PTPRD: variants seen among roughly 807,000 people sequenced by gnomAD.
PTPRD encodes receptor-type tyrosine-protein phosphatase delta.
In PTPRD, 34 loss-of-function variants were observed where a neutral mutation model predicts 214.5. The observed-to-expected ratio is 0.16, with a 90% CI of 0.12 to 0.21. PTPRD has a LOEUF of 0.21. Among genes scored for constraint, PTPRD ranks in the 10% least tolerant of loss-of-function variants. The probability of loss-of-function intolerance (pLI) is 1.00; values close to 1 mark genes in which losing one functional copy is unlikely to be tolerated. For missense variants in PTPRD, 2,545 were observed against 2,398.7 expected (o/e 1.06, Z -1.27); for synonymous variants, 1,128 against 845.7 (o/e 1.33, Z -5.79).
chr9:9,504,246 T>C (rs897830274), intron 8 of PTPRD, among the ~76,000 whole-genome samples: 2 of 151,778 alleles, frequency 1.3e-5, no homozygotes, highest in Admixed American at 1.3e-4. Context: ...TTCTAAGTTT[T>C]TGCTCTATAT....
intron 32 of PTPRD, among the ~76,000 whole-genome samples, chr9:8,462,170 C>A (rs529341462): frequency 2.7e-4 from 41 of 152,056 alleles, no homozygotes; most frequent in African/African-American, 9.9e-4. Context: ...CTTAATTTTT[C>A]CCAGATCCTT....
chr9:8,774,764 C>A (rs144278273), intron 11 of PTPRD, among the ~76,000 whole-genome samples: 1 of 151,972 alleles, frequency 6.6e-6, no homozygotes, highest in Non-Finnish European at 1.5e-5. Flanking sequence ...AAACTCCCAA[C>A]CTCAGGTGAT....
At chr9:9,061,056 G>A (rs559959518) in intron 10 of PTPRD, among the ~76,000 whole-genome samples, 26 of 152,204 alleles carry the variant, frequency 1.7e-4, no homozygotes, top group African/African-American at 4.6e-4. Context: ...CATAACTGAA[G>A]TTTGGTGTTA....
intron 9 of PTPRD, among the ~76,000 whole-genome samples, chr9:9,318,503 G>T (rs1964626465): frequency 6.6e-6 from 1 of 152,180 alleles, no homozygotes; most frequent in South Asian, 2.1e-4. Context: ...TTTGTGCAAA[G>T]AAACCAAAGT....
chr9:10,224,300 ATG>A (rs2099581481), intron 3 of PTPRD, among the ~76,000 whole-genome samples: 1 of 152,018 alleles, frequency 6.6e-6, no homozygotes, highest in African/African-American at 2.4e-5. Flanking sequence ...AGTTTATAAA[ATG>A]TGCACAAATT....
At chr9:10,172,664 C>T (rs1301172290) in intron 3 of PTPRD, among the ~76,000 whole-genome samples, 2 of 152,242 alleles carry the variant, frequency 1.3e-5, no homozygotes, top group African/African-American at 2.4e-5. Context: ...AGAACAGGAG[C>T]ACAAAGTGGC....
chr9:9,239,608 C>T (rs2099969290), intron 9 of PTPRD, among the ~76,000 whole-genome samples: 1 of 152,160 alleles, frequency 6.6e-6, no homozygotes, highest in Non-Finnish European at 1.5e-5. Context: ...TGAAATCTTA[C>T]ACACATCTTG....
At chr9:10,204,010 C>G (rs997277552) in intron 3 of PTPRD, among the ~76,000 whole-genome samples, 4 of 152,116 alleles carry the variant, frequency 2.6e-5, no homozygotes, top group African/African-American at 7.2e-5. Context: ...TTCCCTCCCC[C>G]ACTCCCCAAT....
At chr9:10,095,868 T>TA (rs920847724) in intron 3 of PTPRD, among the ~76,000 whole-genome samples, 1 of 151,582 alleles carries the variant, frequency 6.6e-6, no homozygotes, top group African/African-American at 2.4e-5. Context: ...TTGAATATAT[T>TA]AAAGCACAAG....
intron 11 of PTPRD, among the ~76,000 whole-genome samples, chr9:8,781,521 T>A (rs2095697187): frequency 6.6e-6 from 1 of 152,154 alleles, no homozygotes; most frequent in South Asian, 2.1e-4. Context: ...GTACAACTCA[T>A]TAGTATAGGA....
intron 9 of PTPRD, among the ~76,000 whole-genome samples, chr9:9,313,864 T>C (rs946784871): frequency 6.6e-6 from 1 of 152,154 alleles, no homozygotes; most frequent in Non-Finnish European, 1.5e-5. Flanking sequence ...TATTCCAATT[T>C]AGTTTCACGT....
chr9:8,579,251 C>A (rs906693922), intron 14 of PTPRD, among the ~76,000 whole-genome samples: 1 of 152,180 alleles, frequency 6.6e-6, no homozygotes, highest in Non-Finnish European at 1.5e-5. Context: ...ATAGCTTATT[C>A]TTCATAATAC....
intron 5 of PTPRD, among the ~76,000 whole-genome samples, chr9:9,933,082 A>C (rs2153936954): frequency 6.6e-6 from 1 of 152,214 alleles, no homozygotes; most frequent in Admixed American, 6.5e-5. Flanking sequence ...AGGAAGCGCT[A>C]AACATGGAAA....
At chr9:9,322,616 C>T (rs1425741081) in intron 9 of PTPRD, among the ~76,000 whole-genome samples, 1 of 152,152 alleles carries the variant, frequency 6.6e-6, no homozygotes, top group Non-Finnish European at 1.5e-5. Context: ...ATGTCAGGAT[C>T]TCGGCCACAT....
intron 3 of PTPRD, among the ~76,000 whole-genome samples, chr9:10,200,789 C>T (rs559821378): frequency 6.6e-6 from 1 of 152,042 alleles, no homozygotes; most frequent in South Asian, 2.1e-4. Context: ...TAGAATTTTA[C>T]CTGAGGAAAA....
chr9:9,689,000 C>G (rs926409784), intron 7 of PTPRD, among the ~76,000 whole-genome samples: 2 of 151,712 alleles, frequency 1.3e-5, no homozygotes, highest in African/African-American at 4.8e-5. Flanking sequence ...CATACAAAAA[C>G]AACAAAATTG....
At chr9:9,774,604 T>C (rs1373678964) in intron 5 of PTPRD, among the ~76,000 whole-genome samples, 1 of 152,210 alleles carries the variant, frequency 6.6e-6, no homozygotes, top group Non-Finnish European at 1.5e-5. Context: ...TATAAAACAT[T>C]CTTTCTATAT....
chr9:9,472,827 C>T (rs1413806092), intron 8 of PTPRD, among the ~76,000 whole-genome samples: 3 of 152,044 alleles, frequency 2.0e-5, no homozygotes, highest in Non-Finnish European at 4.4e-5. Context: ...CATTTTCTTA[C>T]TTTTATTCTC....
intron 3 of PTPRD, among the ~76,000 whole-genome samples, chr9:10,109,113 T>TA (rs376187437): frequency 6.6e-6 from 1 of 152,320 alleles, no homozygotes; most frequent in African/African-American, 2.4e-5. Flanking sequence ...GCCATATTTT[T>TA]AAGTAGTCAG....
Sources: allele counts gnomAD v4.1 joint callset (sites outside exome capture counted in the v4.1 genomes callset), GRCh38; gene constraint gnomAD v4.1.1; transcripts MANE v1.5; gene names NCBI Gene and HGNC (gene_info 2026-07-23, HGNC 2026-07-21).